Variants in JAZF1 observed in about 807,000 individuals in gnomAD.
The protein encoded by JAZF1 is JAZF zinc finger 1.
Under a neutral mutation model 26.4 loss-of-function variants are expected in JAZF1, and 8 were observed. That is an observed-to-expected ratio of 0.30 (90% CI 0.18 to 0.55). JAZF1 has a LOEUF of 0.55. JAZF1 is among the 20% of genes least tolerant of loss of function. The pLI is 0.94. For synonymous variants in JAZF1, 126 were observed against 122.3 expected, an observed-to-expected ratio of 1.03 and a Z score of -0.20; for missense variants, 199 against 322.0, an observed-to-expected ratio of 0.62 and a Z score of 2.92.
chr7:27,942,050 G>A (rs2128352575), intron 2 of JAZF1, among the ~76,000 whole-genome samples: 2 of 152,312 alleles, frequency 1.3e-5, no homozygotes, highest in Non-Finnish European at 2.9e-5. Context: ...TCACCTCACT[G>A]GGGGCTGGGT....
intron 1 of JAZF1, among the ~76,000 whole-genome samples, chr7:27,995,481 G>A (rs1224417189): frequency 2.6e-5 from 4 of 152,112 alleles, no homozygotes; most frequent in Admixed American, 6.5e-5. Context: ...ACACAGCACC[G>A]ACAGAGATTA....
intron 1 of JAZF1, among the ~76,000 whole-genome samples, chr7:28,058,388 G>C (rs1033244914): frequency 6.6e-6 from 1 of 152,118 alleles, no homozygotes; most frequent in African/African-American, 2.4e-5. Context: ...GAACCTGCCT[G>C]CACCTGCCTC....
At chr7:27,979,743 C>T (rs1785544246) in intron 2 of JAZF1, among the ~76,000 whole-genome samples, 1 of 152,122 alleles carries the variant, frequency 6.6e-6, no homozygotes, top group African/African-American at 2.4e-5. Context: ...CTCCCCTATC[C>T]CCTGCCTCAT....
intron 2 of JAZF1, among the ~76,000 whole-genome samples, chr7:27,963,775 C>G (rs2128357860): frequency 6.6e-6 from 1 of 152,152 alleles, no homozygotes. Context: ...GCTACATTGC[C>G]CAGGCTGATT....
At chr7:27,870,484 G>A (rs1783561474) in intron 3 of JAZF1, among the ~76,000 whole-genome samples, 1 of 152,116 alleles carries the variant, frequency 6.6e-6, no homozygotes, top group African/African-American at 2.4e-5. Flanking sequence ...CTTTCTGATA[G>A]ATTTTAAAAC....
chr7:27,860,742 A>C (rs75566850), intron 3 of JAZF1, among the ~76,000 whole-genome samples: 4,527 of 152,278 alleles, frequency 0.03, 199 homozygotes, highest in African/African-American at 0.1. Flanking sequence ...CTGTGTTCCC[A>C]GCCAGCGTAC....
At chr7:28,145,546 A>T (rs1399990573) in intron 1 of JAZF1, among the ~76,000 whole-genome samples, 1 of 152,190 alleles carries the variant, frequency 6.6e-6, no homozygotes, top group African/African-American at 2.4e-5. Context: ...CAAGAGGGAG[A>T]AGGGTTTGGT....
At chr7:28,063,718 G>A (rs1455775546) in intron 1 of JAZF1, among the ~76,000 whole-genome samples, 2 of 152,092 alleles carry the variant, frequency 1.3e-5, no homozygotes, top group African/African-American at 4.8e-5. Context: ...TGTATTATTT[G>A]TAGTATATTC....
Position 27,889,467 on chromosome 7 carries a change from G to A in JAZF1, c.385+5753C>T, listed in dbSNP as rs953119816. Among the ~76,000 whole-genome samples the A allele has an allele frequency of 2.0e-5, 3 of 151,896 alleles. No individual in the cohort carries two copies. The South Asian group carries it at 6.2e-4, about 32-fold the overall frequency. ...AAGAGATCCATTCAACTCTTTTTAG[G>A]GCCAGTAATTCTATATCTTCCAATC... On this transcript the variant is annotated intron_variant, in intron 3 of 4. Coordinates refer to ENST00000283928, the MANE Select transcript of JAZF1 (RefSeq NM_175061.4).
intron 4 of JAZF1, among the ~76,000 whole-genome samples, chr7:27,837,965 A>G (rs757095914): frequency 2.6e-5 from 4 of 151,710 alleles, no homozygotes; most frequent in Non-Finnish European, 4.4e-5. Context: ...GTACTGGAGG[A>G]ATCTACATTA....
At chr7:27,973,982 T>C (rs920259628) in intron 2 of JAZF1, among the ~76,000 whole-genome samples, 4 of 152,124 alleles carry the variant, frequency 2.6e-5, no homozygotes, top group African/African-American at 9.7e-5. Context: ...GCAAAGGTAA[T>C]ACATTTGGTG....
At chr7:27,976,302 G>A (rs977657679) in intron 2 of JAZF1, among the ~76,000 whole-genome samples, 3 of 138,912 alleles carry the variant, frequency 2.2e-5, no homozygotes, top group Non-Finnish European at 3.0e-5. Flanking sequence ...GCCGAGAAGC[G>A]CCACTGCACT....
rs185816343 is a variant in JAZF1, at chr7:27,887,982, T to A, written c.385+7238A>T. On this transcript the variant is annotated intron_variant, in intron 3 of 4. Coordinates refer to ENST00000283928, the MANE Select transcript of JAZF1 (RefSeq NM_175061.4). ...AAAAAGGAAGAGGAAGAGACAAGGA[T>A]TAGAACAGAGTAGTATATAAACAAG... Among the ~76,000 whole-genome samples the A allele has an allele frequency of 1.5e-3, 235 of 152,162 alleles. 1 individual carries two copies. The highest frequency in any genetic ancestry group is 5.3e-3 in the African/African-American group (220 of 41,514).
At chr7:28,123,036 G>A (rs1218723214) in intron 1 of JAZF1, among the ~76,000 whole-genome samples, 1 of 152,064 alleles carries the variant, frequency 6.6e-6, no homozygotes, top group African/African-American at 2.4e-5. Flanking sequence ...ACCTCCCTGG[G>A]AAGTTTTTTC....
chr7:28,042,089 G>A (rs1783401791), intron 1 of JAZF1, among the ~76,000 whole-genome samples: 4 of 152,252 alleles, frequency 2.6e-5, no homozygotes, highest in Admixed American at 2.6e-4. Context: ...CAACCAAGAG[G>A]AAGAATGTGC....
At chr7:28,016,830 A>T (rs1782902040) in intron 1 of JAZF1, among the ~76,000 whole-genome samples, 1 of 152,162 alleles carries the variant, frequency 6.6e-6, no homozygotes, top group Admixed American at 6.5e-5. Context: ...ATATTTATCG[A>T]AGACCTACTA....
intron 1 of JAZF1, among the ~76,000 whole-genome samples, chr7:27,994,412 G>T (rs1785969448): frequency 6.9e-6 from 1 of 145,776 alleles, no homozygotes; most frequent in Admixed American, 6.9e-5. Context: ...CAGACTTCTG[G>T]AAGCTTCCAA....
At chr7:27,979,981 G>T (rs1335391708) in intron 2 of JAZF1, among the ~76,000 whole-genome samples, 1 of 152,040 alleles carries the variant, frequency 6.6e-6, no homozygotes, top group Non-Finnish European at 1.5e-5. Flanking sequence ...ATCTTATTGG[G>T]TTGCTAACCT....
chr7:28,179,876 A>C (rs924618405), intron 1 of JAZF1, among the ~76,000 whole-genome samples: 42 of 140,750 alleles, frequency 3.0e-4, no homozygotes, highest in African/African-American at 7.4e-4. Flanking sequence ...CGGCGGCGGG[A>C]GGAGGAAGCG....
Sources: gnomAD v4.1 joint callset for allele counts (sites outside exome capture counted in the v4.1 genomes callset) on GRCh38, gnomAD v4.1.1 for gene constraint, MANE v1.5 for transcripts, NCBI Gene and HGNC (gene_info 2026-07-23, HGNC 2026-07-21) for gene names.